The following PPFIBP1 variants were observed in gnomAD, a reference collection of about 807,000 sequenced individuals.
PPFIBP1 encodes the protein PPFIB scaffold protein 1.
PPFIBP1 carries 112 observed loss-of-function variants against 137.8 expected under a neutral mutation model. The ratio of observed to expected loss-of-function variants is 0.81; its 90% CI spans 0.70 to 0.95. The LOEUF is 0.95. Among genes scored for constraint, PPFIBP1 ranks in the 40% least tolerant of loss-of-function variants. The probability of loss-of-function intolerance (pLI) is 0.00; values close to 1 mark genes in which losing one functional copy is unlikely to be tolerated. For synonymous variants in PPFIBP1, 378 were observed against 417.3 expected, an observed-to-expected ratio of 0.91 and a Z score of 1.15; for missense variants, 1,083 against 1,196.6, an observed-to-expected ratio of 0.91 and a Z score of 1.40.
intron 2 of PPFIBP1, chr12:27,592,762 A>G (rs937109937): frequency 1.7e-5 from 15 of 861,796 alleles, no homozygotes; most frequent in Non-Finnish European, 2.7e-5. Flanking sequence ...CCAAGAAAAT[A>G]AAGAATATGT....
At chr12:27,614,157 C>T (rs2055483766) in intron 2 of PPFIBP1, among the ~76,000 whole-genome samples, 1 of 152,050 alleles carries the variant, frequency 6.6e-6, no homozygotes, top group African/African-American at 2.4e-5. Flanking sequence ...ACGGGAGAAT[C>T]ACTGGAGCCC....
chr12:27,682,936 G>A (rs868285626), intron 24 of PPFIBP1, among the ~76,000 whole-genome samples: 1 of 152,120 alleles, frequency 6.6e-6, no homozygotes. Flanking sequence ...GCTAAGTGAA[G>A]CCTAATTTAA....
chr12:27,536,469 T>C lies in PPFIBP1; in HGVS notation c.-124+12104T>C, dbSNP rs542755689. On this transcript the variant is annotated intron_variant, in intron 1 of 29. Transcript: ENST00000228425. Reference sequence around the variant, plus strand: ...GGAACCAGCTTGTCACACGGTGAGATAGGGAGCAAGAGAGACAGAAGGGAG... The same window carrying C: ...GGAACCAGCTTGTCACACGGTGAGACAGGGAGCAAGAGAGACAGAAGGGAG... Among the ~76,000 whole-genome samples, 33 of 152,106 alleles carry C rather than the reference T, an allele frequency of 2.2e-4. No homozygotes were observed. In the South Asian group the frequency reaches 5.2e-3, roughly 24 times the overall value.
At chr12:27,634,098 G>A (rs1264779704) in intron 3 of PPFIBP1, among the ~76,000 whole-genome samples, 3 of 147,574 alleles carry the variant, frequency 2.0e-5, no homozygotes, top group Non-Finnish European at 3.0e-5. Context: ...GCCTCCCAAA[G>A]TGCTGGGATT....
At chr12:27,568,496 T>G (rs2049874724) in intron 1 of PPFIBP1, among the ~76,000 whole-genome samples, 1 of 152,206 alleles carries the variant, frequency 6.6e-6, no homozygotes, top group Non-Finnish European at 1.5e-5. Flanking sequence ...AGCTTCCAAC[T>G]GTGTAAGGAT....
chr12:27,670,446 C>G (rs1459248487), intron 13 of PPFIBP1, among the ~76,000 whole-genome samples: 1 of 152,030 alleles, frequency 6.6e-6, no homozygotes, highest in Non-Finnish European at 1.5e-5. Flanking sequence ...CTGGCTTGAC[C>G]AATGTTCCAT....
At chr12:27,563,579 G>A (rs1020013353) in intron 1 of PPFIBP1, among the ~76,000 whole-genome samples, 1 of 151,964 alleles carries the variant, frequency 6.6e-6, no homozygotes. Flanking sequence ...TGCCATTGCC[G>A]ACTTTGAAGG....
chr12:27,613,905 C>A (rs2055442356), intron 2 of PPFIBP1, among the ~76,000 whole-genome samples: 1 of 152,094 alleles, frequency 6.6e-6, no homozygotes, highest in African/African-American at 2.4e-5. Context: ...TTTGGGAAGA[C>A]AATGACCTTG....
chr12:27,573,229 A>G (rs1223603147), intron 1 of PPFIBP1, among the ~76,000 whole-genome samples: 1 of 152,238 alleles, frequency 6.6e-6, no homozygotes, highest in Non-Finnish European at 1.5e-5. Context: ...GACTTTTGGA[A>G]TATTTAAACA....
intron 10 of PPFIBP1, 27 bp from the exon 11 acceptor site, chr12:27,660,857 T>G: frequency 6.2e-7 from 1 of 1,612,232 alleles, no homozygotes; most frequent in East Asian, 2.2e-5. Context: ...TGAACTGAAC[T>G]GACTTCTGAT....
rs368946570 is a variant in PPFIBP1 at position 27,569,163 on chromosome 12, A to T, written c.-123-8989A>T. On this transcript the variant is annotated intron_variant, in intron 1 of 29. Coordinates refer to ENST00000228425, the MANE Select transcript of PPFIBP1 (RefSeq NM_003622.4). ...TCCAGAATGATCTTTTTGAAATTCT[A>T]ATTTGATGTTGATTTTTCTCCCGCT... Among the ~76,000 whole-genome samples the T allele has an allele frequency of 5.9e-5, 9 of 152,238 alleles. No homozygotes were observed. In the East Asian group the frequency reaches 1.3e-3, roughly 23 times the overall value.
intron 1 of PPFIBP1, among the ~76,000 whole-genome samples, chr12:27,565,411 T>C (rs1424081396): frequency 6.6e-6 from 1 of 152,226 alleles, no homozygotes; most frequent in Non-Finnish European, 1.5e-5. Flanking sequence ...AAATACTGTG[T>C]GGGCTAGAAC....
intron 1 of PPFIBP1, among the ~76,000 whole-genome samples, chr12:27,546,101 T>TGAAGGTGGGAGTCACAAAG (rs1946219563): frequency 6.6e-6 from 1 of 152,176 alleles, no homozygotes; most frequent in African/African-American, 2.4e-5. Context: ...ATCTGTGGTA[T>TGAAGGTGGGAGTCACAAAG]GAAGGTGGGA....
chr12:27,665,014 C>A (rs2059776735), intron 12 of PPFIBP1, among the ~76,000 whole-genome samples: 2 of 152,104 alleles, frequency 1.3e-5, no homozygotes, highest in Non-Finnish European at 2.9e-5. Context: ...ATGGTGATAC[C>A]ACGTCTCTAC....
At chr12:27,650,187 CTG>C in intron 7 of PPFIBP1, 46 bp downstream of exon 7, 2 of 1,491,630 alleles carry the variant, frequency 1.3e-6, no homozygotes, top group South Asian at 1.3e-5. Flanking sequence ...CTCTGTCACT[CTG>C]TCTTTGTCTC....
chr12:27,644,233 A>T (rs10129002), intron 4 of PPFIBP1, among the ~76,000 whole-genome samples: 29,432 of 142,158 alleles, frequency 0.21, 3,293 homozygotes, highest in South Asian at 0.27. Flanking sequence ...CACACCACCA[A>T]GCTTGGCTAA....
chr12:27,612,131 A>G (rs770146215), intron 2 of PPFIBP1, among the ~76,000 whole-genome samples: 14 of 152,188 alleles, frequency 9.2e-5, no homozygotes, highest in Non-Finnish European at 1.6e-4. Flanking sequence ...CTTGCAGCTG[A>G]CTTTCTATCA....
intron 2 of PPFIBP1, among the ~76,000 whole-genome samples, chr12:27,596,816 G>A (rs1168412179): frequency 6.6e-6 from 1 of 152,206 alleles, no homozygotes; most frequent in African/African-American, 2.4e-5. Flanking sequence ...AATAGAAAGA[G>A]GAACCAAGGC....
intron 2 of PPFIBP1, among the ~76,000 whole-genome samples, chr12:27,581,229 C>T (rs954946157): frequency 3.9e-5 from 6 of 152,112 alleles, no homozygotes; most frequent in African/African-American, 7.2e-5. Context: ...GCAGGTGGCA[C>T]GTATATGAAA....
Sources: allele counts gnomAD v4.1 joint callset (sites outside exome capture counted in the v4.1 genomes callset), GRCh38; gene constraint gnomAD v4.1.1; transcripts MANE v1.5; gene names NCBI Gene and HGNC (gene_info 2026-07-23, HGNC 2026-07-21).